The following PXDNL variants were observed in gnomAD, a reference collection of about 807,000 sequenced individuals.
PXDNL encodes probable oxidoreductase PXDNL.
PXDNL carries 145 observed loss-of-function variants against 150.8 expected under a neutral mutation model. The observed-to-expected ratio is 0.96, with a 90% CI of 0.84 to 1.10. The LOEUF is 1.10. Ranked by LOEUF, PXDNL falls within the 50% of genes least tolerant of loss-of-function variation. The pLI is 0.00. For synonymous variants in PXDNL, 757 were observed against 725.7 expected (o/e 1.04, Z -0.69); for missense variants, 2,087 against 1,873.9 (o/e 1.11, Z -2.10).
intron 21 of PXDNL, among the ~76,000 whole-genome samples, chr8:51,337,162 T>C (rs1451677777): frequency 6.6e-6 from 1 of 152,182 alleles, no homozygotes; most frequent in Non-Finnish European, 1.5e-5. Flanking sequence ...AAGGGGCAAC[T>C]ACTGCAGTCT....
At chr8:51,701,837 T>A (rs1223976037) in intron 1 of PXDNL, among the ~76,000 whole-genome samples, 1 of 152,162 alleles carries the variant, frequency 6.6e-6, no homozygotes, top group Non-Finnish European at 1.5e-5. Context: ...AGTCTCTTTG[T>A]TTAGAACCAA....
intron 3 of PXDNL, among the ~76,000 whole-genome samples, chr8:51,578,003 A>AAAGAAAG (rs1813116462): frequency 3.2e-5 from 2 of 62,854 alleles, no homozygotes; most frequent in Admixed American, 1.5e-4. Context: ...AAGAAAGAGG[A>AAAGAAAG]AGGAAGGAAG....
intron 22 of PXDNL, among the ~76,000 whole-genome samples, chr8:51,320,454 GCCTGA>G (rs1265785474): frequency 6.6e-6 from 1 of 152,174 alleles, no homozygotes; most frequent in Non-Finnish European, 1.5e-5. Flanking sequence ...TTTATAATGA[GCCTGA>G]CTGAAGAATA....
At chr8:51,339,447 A>G (rs1805925952) in intron 21 of PXDNL, among the ~76,000 whole-genome samples, 177 bp downstream of exon 21, 1 of 152,224 alleles carries the variant, frequency 6.6e-6, no homozygotes, top group South Asian at 2.1e-4. Context: ...CGACAGAACA[A>G]GACTGTGTCT....
At chr8:51,468,235 T>C (rs1810246375) in intron 8 of PXDNL, among the ~76,000 whole-genome samples, 1 of 152,002 alleles carries the variant, frequency 6.6e-6, no homozygotes, top group Non-Finnish European at 1.5e-5. Flanking sequence ...AGTATTAAAA[T>C]TTCTTGCTAT....
intron 1 of PXDNL, among the ~76,000 whole-genome samples, chr8:51,771,833 G>T (rs1425379581): frequency 6.6e-6 from 1 of 152,122 alleles, no homozygotes; most frequent in South Asian, 2.1e-4. Context: ...GGTGGCAAGT[G>T]CTCCCTTGAT....
In PXDNL at chr8:51,409,056, G is replaced by T; in HGVS notation, c.2568C>A (p.His856Gln). Residue 856 changes from histidine (H) to glutamine (Q), a missense_variant, in exon 17 of 23, where the codon CAC (histidine) becomes CAA (glutamine). Coordinates refer to ENST00000356297, the MANE Select transcript of PXDNL (RefSeq NM_144651.5). ...NTRHADPRGT[H>Q]APCMLFARSS... ...AGCGCGCGAAGAGCATGCAGGGCGC[G>T]TGGGTGCCCCGGGGGTCGGCGTGCC... The T allele has an allele frequency of 6.2e-7, 1 of 1,609,982 alleles. No individual in the cohort carries two copies.
intron 1 of PXDNL, 104 bp from the exon 2 acceptor site, chr8:51,654,864 AG>A: frequency 1.2e-6 from 1 of 822,094 alleles, no homozygotes; most frequent in South Asian, 1.4e-5. Flanking sequence ...TCAAACATAC[AG>A]TACTAAAGGA....
chr8:51,410,669 AT>A (rs76792812), intron 16 of PXDNL, among the ~76,000 whole-genome samples: 3,734 of 152,354 alleles, frequency 0.025, 87 homozygotes, highest in South Asian at 0.084. Flanking sequence ...ACATTCACTT[AT>A]TTCATTTGAA....
intron 5 of PXDNL, among the ~76,000 whole-genome samples, chr8:51,498,310 T>G (rs1483709525): frequency 1.3e-5 from 2 of 150,226 alleles, no homozygotes; most frequent in East Asian, 4.0e-4. Flanking sequence ...AGGGATAGCA[T>G]TAGGAGATAT....
intron 10 of PXDNL, among the ~76,000 whole-genome samples, chr8:51,451,781 A>C (rs1384032243): frequency 6.6e-6 from 1 of 152,236 alleles, no homozygotes; most frequent in African/African-American, 2.4e-5. Context: ...AAAATGACAC[A>C]AAAGGATACA....
chr8:51,768,410 A>T (rs2037255271), intron 1 of PXDNL, among the ~76,000 whole-genome samples: 1 of 152,146 alleles, frequency 6.6e-6, no homozygotes, highest in Non-Finnish European at 1.5e-5. Flanking sequence ...ATATGAACAG[A>T]GTTTTATGTC....
At chr8:51,717,821 G>C (rs570381257) in intron 1 of PXDNL, among the ~76,000 whole-genome samples, 1 of 152,216 alleles carries the variant, frequency 6.6e-6, no homozygotes, top group Non-Finnish European at 1.5e-5. Context: ...TCACCCTGCA[G>C]GATTCTGTTG....
chr8:51,570,953 G>A (rs190866808), intron 3 of PXDNL, among the ~76,000 whole-genome samples: 1 of 151,784 alleles, frequency 6.6e-6, no homozygotes, highest in Admixed American at 6.6e-5. Context: ...ATACTTGGGG[G>A]CAAACTGAAG....
chr8:51,482,984 T>C (rs942964082), intron 6 of PXDNL, among the ~76,000 whole-genome samples: 35 of 152,156 alleles, frequency 2.3e-4, no homozygotes, highest in African/African-American at 8.0e-4. Flanking sequence ...CTTTTTCTGA[T>C]AACTGGAACT....
At position 51,411,358 on chromosome 8, in the gene PXDNL, C is replaced by A; in HGVS notation, c.1954G>T (p.Asp652Tyr). 6.3e-7 allele frequency: 1 copy of A among 1,582,700 alleles called. No individual in the cohort carries two copies. The highest frequency in any genetic ancestry group is 8.6e-7 in the Non-Finnish European group (1 of 1,168,354). ...CTTGCCATTTCCACAATCAGTGGGT[C>A]ACGCGGGTAATGAAATTGAGCCAGC... ...DLLAQFHYPR[D>Y]PLIVEMARAG... The change falls in exon 16 of 23, where the codon GAC (aspartate) becomes TAC (tyrosine). Residue 652 changes from aspartate to tyrosine, a missense_variant. By Grantham distance (160) the Asp-to-Tyr change is radical. Coordinates refer to ENST00000356297, the MANE Select transcript of PXDNL (RefSeq NM_144651.5).
chr8:51,678,407 G>A (rs1014111878), intron 1 of PXDNL, among the ~76,000 whole-genome samples: 2 of 152,114 alleles, frequency 1.3e-5, no homozygotes, highest in Non-Finnish European at 2.9e-5. Context: ...ATTAAAAAAT[G>A]GAATCTGATA....
chr8:51,532,347 C>G (rs1208382275), intron 4 of PXDNL, among the ~76,000 whole-genome samples: 4 of 152,226 alleles, frequency 2.6e-5, no homozygotes, highest in Non-Finnish European at 4.4e-5. Context: ...CAGTACCGTT[C>G]ACCAACTGTG....
intron 4 of PXDNL, among the ~76,000 whole-genome samples, chr8:51,510,157 G>T (rs1330386558): frequency 6.6e-6 from 1 of 152,074 alleles, no homozygotes; most frequent in African/African-American, 2.4e-5. Context: ...TGGATCTAAG[G>T]CAAGAAAGGC....
Sources: gnomAD v4.1 joint callset for allele counts (sites outside exome capture counted in the v4.1 genomes callset) on GRCh38, gnomAD v4.1.1 for gene constraint, MANE v1.5 for transcripts, NCBI Gene and HGNC (gene_info 2026-07-23, HGNC 2026-07-21) for gene names.